The following ROBO1 variants were observed in gnomAD, a reference collection of about 807,000 sequenced individuals.
ROBO1 encodes roundabout homolog 1.
In ROBO1, 149 loss-of-function variants were observed where a neutral mutation model predicts 195.9. The ratio of observed to expected loss-of-function variants is 0.76; its 90% CI spans 0.67 to 0.87. The LOEUF (loss-of-function observed/expected upper bound fraction) is 0.87. ROBO1 is among the 40% of genes least tolerant of loss of function. The pLI, the probability that ROBO1 is intolerant of heterozygous loss-of-function variation, is 0.00. For synonymous variants in ROBO1, 816 were observed against 733.2 expected (o/e 1.11, Z -1.82); for missense variants, 1,933 against 2,068.3 (o/e 0.93, Z 1.27).
chr3:78,931,724 G>A (rs978024701), intron 4 of ROBO1, among the ~76,000 whole-genome samples: 2 of 152,064 alleles, frequency 1.3e-5, no homozygotes, highest in East Asian at 1.9e-4. Context: ...ACAGCACTTC[G>A]GGAGGCCAAG....
At chr3:79,746,423 T>C (rs1474099727) in intron 1 of ROBO1, among the ~76,000 whole-genome samples, 2 of 152,090 alleles carry the variant, frequency 1.3e-5, no homozygotes, top group African/African-American at 4.8e-5. Context: ...GCTTAAACCA[T>C]AATTATTTTA....
chr3:78,888,373 C>G (rs955782455), intron 4 of ROBO1, among the ~76,000 whole-genome samples: 11 of 152,138 alleles, frequency 7.2e-5, no homozygotes, highest in African/African-American at 2.7e-4. Flanking sequence ...TTAGGCTGAT[C>G]ACGGGAAGGT....
At chr3:79,024,704 C>T (rs904957100) in intron 3 of ROBO1, among the ~76,000 whole-genome samples, 3 of 152,178 alleles carry the variant, frequency 2.0e-5, no homozygotes, top group African/African-American at 7.2e-5. Context: ...CTTTAATAAA[C>T]ATTGTTCAGT....
At chr3:79,019,707 C>T (rs889655874) in intron 3 of ROBO1, among the ~76,000 whole-genome samples, 3 of 152,036 alleles carry the variant, frequency 2.0e-5, no homozygotes, top group African/African-American at 2.4e-5. Context: ...TTGTTTCTCT[C>T]GCCACCCCTA....
intron 2 of ROBO1, among the ~76,000 whole-genome samples, chr3:79,168,642 G>A (rs2081112215): frequency 6.6e-6 from 1 of 152,032 alleles, no homozygotes; most frequent in African/African-American, 2.4e-5. Flanking sequence ...TGTTTTCTGT[G>A]TCCCAAACTC....
At chr3:78,935,602 C>T (rs2039761990) in intron 4 of ROBO1, among the ~76,000 whole-genome samples, 1 of 152,002 alleles carries the variant, frequency 6.6e-6, no homozygotes, top group South Asian at 2.1e-4. Context: ...TTAAATAGAG[C>T]TGATCCAAAA....
chr3:79,657,018 A>C (rs9870711), intron 1 of ROBO1, among the ~76,000 whole-genome samples: 89,237 of 151,924 alleles, frequency 0.59, 26,593 homozygotes, highest in African/African-American at 0.67. Flanking sequence ...TTTGTTAGCT[A>C]ACAATCTTAG....
At chr3:78,907,295 A>T (rs568818157) in intron 4 of ROBO1, among the ~76,000 whole-genome samples, 1 of 152,260 alleles carries the variant, frequency 6.6e-6, no homozygotes, top group South Asian at 2.1e-4. Flanking sequence ...AAACAAAACA[A>T]CAACAACAAA....
intron 2 of ROBO1, among the ~76,000 whole-genome samples, chr3:79,250,562 G>A (rs543074882): frequency 1.8e-4 from 27 of 150,268 alleles, no homozygotes; most frequent in African/African-American, 6.7e-4. Flanking sequence ...TATAATGTGT[G>A]TGGGGGGGGT....
Position 78,714,380 on chromosome 3 carries a change from C to T in ROBO1, c.1045+17G>A. The T allele has an allele frequency of 6.2e-7, 1 of 1,602,582 alleles. No individual in the cohort carries two copies. Among genetic ancestry groups the T allele is most frequent in the Non-Finnish European group, 8.5e-7 (1 of 1,176,144 alleles). ...GTATGCTAAAACCACCAAAACAAAG[C>T]CTTTCCCAATGCCTACCTTGAACAG... On this transcript the variant is annotated intron_variant, in intron 8 of 30. Coordinates refer to ENST00000464233, the MANE Select transcript of ROBO1 (RefSeq NM_002941.4).
chr3:79,084,752 A>C (rs1351035519), intron 3 of ROBO1, among the ~76,000 whole-genome samples: 1 of 152,140 alleles, frequency 6.6e-6, no homozygotes, highest in Non-Finnish European at 1.5e-5. Context: ...TACCCACTAC[A>C]TCAGAGATTC....
chr3:78,702,305 A>C (rs1175308658), intron 8 of ROBO1, among the ~76,000 whole-genome samples: 1 of 152,182 alleles, frequency 6.6e-6, no homozygotes, highest in East Asian at 1.9e-4. Context: ...TGGATGCATA[A>C]ACAGTCACAT....
intron 3 of ROBO1, among the ~76,000 whole-genome samples, chr3:79,107,115 T>TCC (rs1306228045): frequency 1.2e-4 from 17 of 138,360 alleles, no homozygotes; most frequent in African/African-American, 4.2e-4. Context: ...TTTCTCTCTC[T>TCC]CTCTCTCTCT....
intron 19 of ROBO1, among the ~76,000 whole-genome samples, chr3:78,648,799 G>C (rs943940197): frequency 6.6e-6 from 1 of 151,822 alleles, no homozygotes; most frequent in African/African-American, 2.4e-5. Context: ...TCAAAACACT[G>C]CCAGAATTAT....
chr3:79,458,428 T>C (rs184920451), intron 2 of ROBO1, among the ~76,000 whole-genome samples: 1 of 152,094 alleles, frequency 6.6e-6, no homozygotes, highest in East Asian at 1.9e-4. Context: ...CAACAGTGAG[T>C]ATGAAGGATC....
chr3:79,270,241 G>A (rs1559779091), intron 2 of ROBO1, among the ~76,000 whole-genome samples: 1 of 149,310 alleles, frequency 6.7e-6, no homozygotes, highest in Non-Finnish European at 1.5e-5. Flanking sequence ...CACATACACA[G>A]AGGATTTCAT....
At chr3:78,921,297 C>A (rs1221310474) in intron 4 of ROBO1, among the ~76,000 whole-genome samples, 1 of 152,120 alleles carries the variant, frequency 6.6e-6, no homozygotes, top group East Asian at 1.9e-4. Context: ...CAGTATTTTT[C>A]TTCCTTTGGG....
intron 8 of ROBO1, chr3:78,693,227 C>T (rs746476391): frequency 6.4e-5 from 85 of 1,336,304 alleles, no homozygotes; most frequent in Non-Finnish European, 8.2e-5. Context: ...TGGCCAATGA[C>T]AAGTGAAACA....
chr3:79,112,651 A>T (rs937803832), intron 3 of ROBO1, among the ~76,000 whole-genome samples: 1 of 152,034 alleles, frequency 6.6e-6, no homozygotes. Flanking sequence ...GCAAACTATC[A>T]CAAGGACAAA....
Sources: gnomAD v4.1 joint callset for allele counts (sites outside exome capture counted in the v4.1 genomes callset) on GRCh38, gnomAD v4.1.1 for gene constraint, MANE v1.5 for transcripts, NCBI Gene and HGNC (gene_info 2026-07-23, HGNC 2026-07-21) for gene names.